CNTN4: variants seen among roughly 807,000 people sequenced by gnomAD.
The protein encoded by CNTN4 is contactin 4.
A neutral mutation model predicts 122.5 loss-of-function variants in CNTN4; 77 were observed. The ratio of observed to expected loss-of-function variants is 0.63; its 90% CI spans 0.52 to 0.76. The LOEUF (loss-of-function observed/expected upper bound fraction) is 0.76, where lower values mean the gene tolerates loss of function less well. CNTN4 is among the 30% of genes least tolerant of loss of function. The pLI, the probability that CNTN4 is intolerant of heterozygous loss-of-function variation, is 0.00. For missense variants in CNTN4, 1,256 were observed against 1,259.1 expected, an observed-to-expected ratio of 1.00 and a Z score of 0.04; for synonymous variants, 512 against 447.0, an observed-to-expected ratio of 1.15 and a Z score of -1.83.
rs143742989 is a variant in CNTN4 at position 2,202,288 on chromosome 3, A to C, written c.-145+101649A>C. 1.6e-3 allele frequency among the ~76,000 whole-genome samples: 248 copies of C among 152,298 alleles called. 1 individual carries two copies. The highest frequency in any genetic ancestry group is 5.7e-3 in the African/African-American group (237 of 41,572). On this transcript the variant is annotated intron_variant, in intron 2 of 24. Coordinates refer to ENST00000418658, the MANE Select transcript of CNTN4 (RefSeq NM_175607.3). Reference sequence around the variant, plus strand: ...ATCTTTAAGGTTCCTAGTTCTTATTAAAGTAGCAGGATAATCAGCTTAATG... The same window carrying C: ...ATCTTTAAGGTTCCTAGTTCTTATTCAAGTAGCAGGATAATCAGCTTAATG...
chr3:2,800,432 C>A (rs932545053), intron 6 of CNTN4, among the ~76,000 whole-genome samples: 2 of 152,170 alleles, frequency 1.3e-5, no homozygotes, highest in African/African-American at 4.8e-5. Context: ...ATTTTGTTTA[C>A]ATACCACTAA....
intron 4 of CNTN4, among the ~76,000 whole-genome samples, chr3:2,592,408 T>C (rs1336329168): frequency 6.6e-6 from 1 of 152,210 alleles, no homozygotes; most frequent in East Asian, 1.9e-4. Context: ...TGATATGGTT[T>C]GGTTCTGTGT....
chr3:2,933,087 G>C (rs979753835), intron 13 of CNTN4, among the ~76,000 whole-genome samples: 1 of 152,120 alleles, frequency 6.6e-6, no homozygotes, highest in African/African-American at 2.4e-5. Flanking sequence ...CTCCCAAAGT[G>C]CTGGGATTAC....
At chr3:2,505,988 G>C (rs2076720389) in intron 3 of CNTN4, among the ~76,000 whole-genome samples, 2 of 151,602 alleles carry the variant, frequency 1.3e-5, no homozygotes, top group East Asian at 3.9e-4. Context: ...ATAAGGACAG[G>C]TTTTGCCCAT....
chr3:2,255,959 T>C (rs1003738193), intron 2 of CNTN4, among the ~76,000 whole-genome samples: 3 of 151,646 alleles, frequency 2.0e-5, no homozygotes, highest in South Asian at 2.1e-4. Flanking sequence ...CTGAAGGAGA[T>C]AGAGACATGA....
chr3:2,231,126 A>G (rs941840080), intron 2 of CNTN4, among the ~76,000 whole-genome samples: 4 of 152,240 alleles, frequency 2.6e-5, no homozygotes, highest in Non-Finnish European at 5.9e-5. Context: ...CAATATGTCA[A>G]AAAATATTAT....
At chr3:2,771,174 G>C (rs181630848) in intron 6 of CNTN4, among the ~76,000 whole-genome samples, 2 of 152,160 alleles carry the variant, frequency 1.3e-5, no homozygotes, top group Non-Finnish European at 2.9e-5. Flanking sequence ...TGGGAGATAG[G>C]CATGCCACCT....
intron 4 of CNTN4, among the ~76,000 whole-genome samples, chr3:2,592,052 A>T (rs1411273900): frequency 1.3e-5 from 2 of 151,788 alleles, no homozygotes. Context: ...CTAGTTTTTT[A>T]AAATTTTTTG....
intron 2 of CNTN4, among the ~76,000 whole-genome samples, chr3:2,249,716 T>G (rs1266643565): frequency 6.6e-6 from 1 of 151,872 alleles, no homozygotes; most frequent in Non-Finnish European, 1.5e-5. Context: ...CCAAACAAAT[T>G]TCAAATGCTG....
chr3:2,273,918 G>T (rs1032918195), intron 2 of CNTN4, among the ~76,000 whole-genome samples: 1 of 151,730 alleles, frequency 6.6e-6, no homozygotes, highest in African/African-American at 2.4e-5. Context: ...CTTTGCCTTC[G>T]CTTAATAGAG....
intron 2 of CNTN4, among the ~76,000 whole-genome samples, chr3:2,161,667 C>T (rs1325736917): frequency 2.6e-5 from 4 of 152,070 alleles, no homozygotes; most frequent in East Asian, 1.9e-4. Context: ...GGAAAAAGAC[C>T]GATTGAAATG....
At chr3:2,522,463 G>A (rs1006407527) in intron 3 of CNTN4, among the ~76,000 whole-genome samples, 1 of 152,016 alleles carries the variant, frequency 6.6e-6, no homozygotes. Context: ...TGAGAAATCT[G>A]ATATTTTGAA....
chr3:2,842,702 C>T (rs539652148), intron 7 of CNTN4, among the ~76,000 whole-genome samples: 1 of 152,270 alleles, frequency 6.6e-6, no homozygotes, highest in South Asian at 2.1e-4. Context: ...ATGATAAATT[C>T]TTAGTTCTCA....
chr3:2,389,613 A>G (rs1470997810), intron 3 of CNTN4, among the ~76,000 whole-genome samples: 4 of 151,632 alleles, frequency 2.6e-5, no homozygotes, highest in Admixed American at 6.6e-5. Context: ...ACTATGGTCT[A>G]TCTCCCTTGA....
chr3:2,562,688 T>C (rs2079007891), intron 3 of CNTN4, among the ~76,000 whole-genome samples: 1 of 149,288 alleles, frequency 6.7e-6, no homozygotes, highest in Non-Finnish European at 1.5e-5. Context: ...TACAAGTGCA[T>C]GTGTCTTTTT....
chr3:2,635,918 T>A (rs2082639469), intron 4 of CNTN4, among the ~76,000 whole-genome samples: 1 of 152,158 alleles, frequency 6.6e-6, no homozygotes, highest in Non-Finnish European at 1.5e-5. Flanking sequence ...CCCTCACGCA[T>A]CATTATTGCC....
At chr3:2,100,905 T>C (rs2031894024) in intron 2 of CNTN4, among the ~76,000 whole-genome samples, 1 of 152,198 alleles carries the variant, frequency 6.6e-6, no homozygotes, top group Non-Finnish European at 1.5e-5. Context: ...ATGGAAAAAC[T>C]GACCTTTTCA....
chr3:2,190,835 TAC>T (rs71056397), intron 2 of CNTN4, among the ~76,000 whole-genome samples: 77 of 110,034 alleles, frequency 7.0e-4, no homozygotes, highest in African/African-American at 1.9e-3. Context: ...CACACACACA[TAC>T]ACACACACAC....
chr3:2,101,133 A>C (rs1057051349), intron 2 of CNTN4, among the ~76,000 whole-genome samples: 2 of 152,232 alleles, frequency 1.3e-5, no homozygotes, highest in Admixed American at 6.5e-5. Context: ...TGATTAGAGA[A>C]CAAACCTTTC....
Sources: allele counts gnomAD v4.1 joint callset (sites outside exome capture counted in the v4.1 genomes callset), GRCh38; gene constraint gnomAD v4.1.1; transcripts MANE v1.5; gene names NCBI Gene and HGNC (gene_info 2026-07-23, HGNC 2026-07-21).